GATAD2A: variants seen among roughly 807,000 people sequenced by gnomAD.
GATAD2A encodes the protein GATA zinc finger domain containing 2A.
Under a neutral mutation model 68.5 loss-of-function variants are expected in GATAD2A, and 12 were observed. That is an observed-to-expected ratio of 0.18 (90% confidence interval 0.11 to 0.28). GATAD2A has a LOEUF of 0.28. Ranked by LOEUF, GATAD2A falls within the 10% of genes least tolerant of loss-of-function variation. The probability of loss-of-function intolerance (pLI) is 1.00; values close to 1 mark genes in which losing one functional copy is unlikely to be tolerated. For synonymous variants in GATAD2A, 410 were observed against 375.3 expected (o/e 1.09, Z -1.07); for missense variants, 755 against 868.5 (o/e 0.87, Z 1.64).
intron 9 of GATAD2A, among the ~76,000 whole-genome samples, 154 bp from the exon 10 acceptor site, chr19:19,501,815 A>G (rs895071624): frequency 3.3e-5 from 5 of 152,134 alleles, no homozygotes; most frequent in Admixed American, 2.0e-4. Context: ...TTTTCTTGGA[A>G]GTTCTTTGCA....
At chr19:19,461,789 G>C (rs2057453002) in intron 1 of GATAD2A, among the ~76,000 whole-genome samples, 1 of 152,234 alleles carries the variant, frequency 6.6e-6, no homozygotes, top group Non-Finnish European at 1.5e-5. Context: ...TGGGGTGTTT[G>C]GAGAGAGTGA....
intron 1 of GATAD2A, among the ~76,000 whole-genome samples, chr19:19,431,793 T>TTG (rs1568279021): frequency 2.6e-5 from 4 of 151,842 alleles, no homozygotes; most frequent in Non-Finnish European, 5.9e-5. Flanking sequence ...ACCCCTGCCC[T>TTG]TGTGGTGTGT....
intron 2 of GATAD2A, among the ~76,000 whole-genome samples, chr19:19,480,496 T>C (rs2058980131): frequency 6.6e-6 from 1 of 152,272 alleles, no homozygotes; most frequent in South Asian, 2.1e-4. Flanking sequence ...AGGCTTTGCA[T>C]GAATGCTCAC....
chr19:19,449,902 C>T (rs2056184010), intron 1 of GATAD2A, among the ~76,000 whole-genome samples: 1 of 152,164 alleles, frequency 6.6e-6, no homozygotes, highest in Admixed American at 6.5e-5. Flanking sequence ...AATGGGAAAG[C>T]CAGAGGTGCC....
chr19:19,402,612 C>G (rs1329514112), upstream of GATAD2A: 2 of 149,512 alleles, frequency 1.3e-5, no homozygotes, highest in African/African-American at 4.9e-5. Flanking sequence ...TCTCTTGAGC[C>G]TGGGAGGTGG....
intron 1 of GATAD2A, among the ~76,000 whole-genome samples, chr19:19,417,817 G>A (rs1439716549): frequency 3.5e-4 from 53 of 152,184 alleles, no homozygotes; most frequent in Admixed American, 3.5e-3. Flanking sequence ...CAGGAAGATT[G>A]GGTAGGGATT....
intron 2 of GATAD2A, among the ~76,000 whole-genome samples, chr19:19,490,707 C>A (rs1240578659): frequency 6.6e-6 from 1 of 152,020 alleles, no homozygotes. Flanking sequence ...CATGGTGAAA[C>A]CCTGTCTGTA....
chr19:19,497,899 G>A (rs2060256065), intron 7 of GATAD2A, among the ~76,000 whole-genome samples: 1 of 152,196 alleles, frequency 6.6e-6, no homozygotes, highest in African/African-American at 2.4e-5. Context: ...TGAGGACTGG[G>A]TGGAGGGCAA....
At chr19:19,410,649 A>G (rs1042369067) in intron 1 of GATAD2A, among the ~76,000 whole-genome samples, 1 of 152,202 alleles carries the variant, frequency 6.6e-6, no homozygotes, top group South Asian at 2.1e-4. Flanking sequence ...ATGGTGGCAC[A>G]GCAGCTCCTC....
intron 2 of GATAD2A, among the ~76,000 whole-genome samples, chr19:19,475,001 CACATAG>C (rs1392465652): frequency 6.6e-6 from 1 of 152,238 alleles, no homozygotes; most frequent in Non-Finnish European, 1.5e-5. Context: ...GCTAGTCAGT[CACATAG>C]CGGATGCTCG....
intron 1 of GATAD2A, among the ~76,000 whole-genome samples, chr19:19,445,665 T>G (rs2055622415): frequency 6.6e-6 from 1 of 152,246 alleles, no homozygotes; most frequent in Non-Finnish European, 1.5e-5. Context: ...ATAAATGGGA[T>G]CATGCAATAT....
rs1015155134 is a variant in GATAD2A, at chr19:19,507,305, T to C, written c.*1831T>C. On this transcript the variant is annotated 3_prime_UTR_variant, in exon 12 of 12. Transcript: ENST00000683918. ...CAAGCATTTCTATTCCTCGCATTTT[T>C]CTGTGTGCCTGGCAAATAAATACCT... is the stretch of plus-strand genomic sequence containing the variant. 6.6e-6 allele frequency: 1 copy of C among 152,052 alleles called. No homozygotes were observed. The highest frequency in any genetic ancestry group is 1.5e-5 in the Non-Finnish European group (1 of 68,004). The allele number at this position is 152,052 out of a possible 1,614,324, so 9.4% of individuals were successfully genotyped here.
At chr19:19,483,118 C>T (rs192750066) in intron 2 of GATAD2A, among the ~76,000 whole-genome samples, 11 of 152,286 alleles carry the variant, frequency 7.2e-5, no homozygotes, top group African/African-American at 2.6e-4. Flanking sequence ...TGGGGGCGGG[C>T]ACTGCATGGG....
At chr19:19,456,502 T>C (rs1318206323) in intron 1 of GATAD2A, among the ~76,000 whole-genome samples, 5 of 152,262 alleles carry the variant, frequency 3.3e-5, no homozygotes, top group Non-Finnish European at 7.3e-5. Context: ...GTGTCATTGC[T>C]TGGGCTCCTA....
intron 2 of GATAD2A, among the ~76,000 whole-genome samples, chr19:19,482,889 C>T (rs961923539): frequency 1.3e-5 from 2 of 152,104 alleles, no homozygotes; most frequent in Non-Finnish European, 1.5e-5. Context: ...CCTCTGTGGG[C>T]GGGTAGAGGC....
chr19:19,493,379 CAT>C (rs148627862), intron 4 of GATAD2A, among the ~76,000 whole-genome samples: 10,867 of 152,274 alleles, frequency 0.071, 567 homozygotes, highest in East Asian at 0.17. Context: ...TCTCTACCAT[CAT>C]CCCTCCTGCT....
chr19:19,392,689 CAA>C (rs2048934858), intron 1 of GATAD2A, among the ~76,000 whole-genome samples: 1 of 143,384 alleles, frequency 7.0e-6, no homozygotes, highest in African/African-American at 2.6e-5. Flanking sequence ...TGCGTCCGGT[CAA>C]GTTTTTTTTT....
intron 1 of GATAD2A, among the ~76,000 whole-genome samples, chr19:19,456,141 G>A (rs1303265944): frequency 3.6e-5 from 5 of 138,566 alleles, no homozygotes; most frequent in African/African-American, 1.1e-4. Context: ...GCGACACAGC[G>A]AGACTCCATC....
At chr19:19,458,858 A>G (rs1568305007) in intron 1 of GATAD2A, among the ~76,000 whole-genome samples, 1 of 152,256 alleles carries the variant, frequency 6.6e-6, no homozygotes, top group East Asian at 1.9e-4. Flanking sequence ...CCTTAGTCCT[A>G]TGCGTTGGAG....
Sources: allele counts gnomAD v4.1 joint callset (sites outside exome capture counted in the v4.1 genomes callset), GRCh38; gene constraint gnomAD v4.1.1; transcripts MANE v1.5; gene names NCBI Gene and HGNC (gene_info 2026-07-23, HGNC 2026-07-21).